The following NLGN1 variants were observed in gnomAD, a reference collection of about 807,000 sequenced individuals.
The protein encoded by NLGN1 is neuroligin-1.
Under a neutral mutation model 65.5 loss-of-function variants are expected in NLGN1, and 12 were observed. The ratio of observed to expected loss-of-function variants is 0.18; its 90% CI spans 0.12 to 0.30. NLGN1 has a LOEUF of 0.30. NLGN1 is among the 10% of genes least tolerant of loss of function. NLGN1 has a pLI of 1.00. For missense variants in NLGN1, 750 were observed against 1,007.1 expected, an observed-to-expected ratio of 0.74 and a Z score of 3.46; for synonymous variants, 350 against 359.5, an observed-to-expected ratio of 0.97 and a Z score of 0.30.
intron 4 of NLGN1, among the ~76,000 whole-genome samples, chr3:174,157,012 T>C (rs749888247): frequency 1.3e-5 from 2 of 149,188 alleles, no homozygotes; most frequent in African/African-American, 2.5e-5. Context: ...AATATAAATG[T>C]AGAAAAAAAT....
At chr3:173,794,493 G>A (rs977891342) in intron 3 of NLGN1, among the ~76,000 whole-genome samples, 1 of 152,120 alleles carries the variant, frequency 6.6e-6, no homozygotes, top group African/African-American at 2.4e-5. Flanking sequence ...TGGCACTTGT[G>A]TTCTCACCAG....
Position 173,842,593 on chromosome 3 carries a change from T to C in NLGN1, c.646+34761T>C, listed in dbSNP as rs924444566. Among the ~76,000 whole-genome samples, 5 of 152,152 alleles carry C rather than the reference T, an allele frequency of 3.3e-5. No homozygotes were observed. In the East Asian group the frequency reaches 9.6e-4, roughly 29 times the overall value. On this transcript the variant is annotated intron_variant, in intron 4 of 6. Coordinates refer to ENST00000457714, the Ensembl canonical transcript of NLGN1. ...AAAGGAACTACAGGCTTCATGCAAG[T>C]CTGAAATCCAACATGGCAGACAAAT...
At chr3:173,500,717 C>T (rs1023187413) in intron 2 of NLGN1, among the ~76,000 whole-genome samples, 1 of 151,818 alleles carries the variant, frequency 6.6e-6, no homozygotes, top group African/African-American at 2.4e-5. Context: ...TTAATTATTG[C>T]ATCAATTTCA....
intron 4 of NLGN1, among the ~76,000 whole-genome samples, chr3:173,882,347 G>A (rs78794688): frequency 0.015 from 2,356 of 152,236 alleles, 62 homozygotes; most frequent in African/African-American, 0.051. Context: ...GAGTCAGCCT[G>A]TTCTTTGAAG....
At chr3:173,623,998 C>G (rs1011822251) in intron 3 of NLGN1, among the ~76,000 whole-genome samples, 2 of 152,042 alleles carry the variant, frequency 1.3e-5, no homozygotes, top group African/African-American at 4.8e-5. Flanking sequence ...AATAGGAATC[C>G]TGGAAGAACA....
chr3:173,492,824 A>G lies in NLGN1; in HGVS notation c.-321+57746A>G, dbSNP rs1487886479. 3.3e-5 allele frequency among the ~76,000 whole-genome samples: 5 copies of G among 151,808 alleles called. No homozygotes were observed. The East Asian group carries it at 9.6e-4, about 29-fold the overall frequency. ...TTGCACTGAATTATTAAAGCAGATG[A>G]TAGTGTGAATAAATCATGCTAGAGA... On this transcript the variant is annotated intron_variant, in intron 2 of 6. Transcript: ENST00000457714.
At chr3:174,015,600 G>A (rs893234654) in intron 4 of NLGN1, among the ~76,000 whole-genome samples, 6 of 152,104 alleles carry the variant, frequency 3.9e-5, no homozygotes, top group African/African-American at 1.4e-4. Flanking sequence ...ATTGCACTGT[G>A]TATAAAAATA....
At chr3:173,660,109 A>C (rs1259320156) in intron 3 of NLGN1, among the ~76,000 whole-genome samples, 1 of 15,028 alleles carries the variant, frequency 6.7e-5, no homozygotes, top group Admixed American at 7.2e-4. Context: ...TATTCTTGCT[A>C]TTCGTAGAGA....
chr3:173,682,082 AT>A (rs1455436650), intron 3 of NLGN1, among the ~76,000 whole-genome samples: 1 of 152,078 alleles, frequency 6.6e-6, no homozygotes, highest in African/African-American at 2.4e-5. Context: ...TCTGTGGGTA[AT>A]TTGTCTTTAC....
intron 3 of NLGN1, among the ~76,000 whole-genome samples, chr3:173,651,750 G>A (rs1759215161): frequency 6.6e-6 from 1 of 151,876 alleles, no homozygotes; most frequent in African/African-American, 2.4e-5. Flanking sequence ...TTGACCATTT[G>A]TATGTCTTCT....
chr3:174,039,839 G>T lies in NLGN1; in HGVS notation c.646+232007G>T, dbSNP rs548710826. 3.3e-5 allele frequency among the ~76,000 whole-genome samples: 5 copies of T among 152,240 alleles called. No individual in the cohort carries two copies. In the East Asian group the frequency reaches 7.8e-4, roughly 24 times the overall value. ...TGCTTAGGAAGATAAGAAACGCTGA[G>T]AGGTAACAATTTTCTGCCTAAGAAT... On this transcript the variant is annotated intron_variant, in intron 4 of 6. Coordinates refer to ENST00000457714, the Ensembl canonical transcript of NLGN1.
At chr3:174,168,390 T>C (rs1311409290) in intron 4 of NLGN1, among the ~76,000 whole-genome samples, 2 of 152,188 alleles carry the variant, frequency 1.3e-5, no homozygotes, top group African/African-American at 4.8e-5. Context: ...TTTCTTCTTC[T>C]TCTATAATAT....
chr3:173,751,098 C>T (rs896331975), intron 3 of NLGN1, among the ~76,000 whole-genome samples: 2 of 152,030 alleles, frequency 1.3e-5, no homozygotes, highest in Admixed American at 6.6e-5. Flanking sequence ...CTGTGGATTC[C>T]AGTCACAAAC....
At chr3:174,066,987 A>G (rs1053452580) in intron 4 of NLGN1, among the ~76,000 whole-genome samples, 1 of 152,192 alleles carries the variant, frequency 6.6e-6, no homozygotes, top group Non-Finnish European at 1.5e-5. Context: ...CTTACTTGAC[A>G]TACTTAATTT....
At chr3:174,267,641 T>G (rs747464623) in intron 4 of NLGN1, among the ~76,000 whole-genome samples, 2 of 152,130 alleles carry the variant, frequency 1.3e-5, no homozygotes, top group Non-Finnish European at 2.9e-5. Context: ...TCTTCAAAAC[T>G]AATGCTACCC....
At chr3:174,048,739 T>C (rs1734173217) in intron 4 of NLGN1, among the ~76,000 whole-genome samples, 1 of 151,996 alleles carries the variant, frequency 6.6e-6, no homozygotes, top group African/African-American at 2.4e-5. Flanking sequence ...TAAATGATAA[T>C]TGTATGAATT....
intron 4 of NLGN1, among the ~76,000 whole-genome samples, chr3:174,105,397 G>A (rs1184599743): frequency 1.3e-5 from 2 of 151,930 alleles, no homozygotes; most frequent in Admixed American, 6.6e-5. Flanking sequence ...AATTAGCCAG[G>A]CATGGTGGCA....
At chr3:174,083,055 A>G (rs1580201629) in intron 4 of NLGN1, among the ~76,000 whole-genome samples, 1 of 152,136 alleles carries the variant, frequency 6.6e-6, no homozygotes, top group East Asian at 1.9e-4. Context: ...TTTATTCTCT[A>G]TCATTTTATT....
chr3:174,121,952 G>C (rs1234635068), intron 4 of NLGN1, among the ~76,000 whole-genome samples: 1 of 152,100 alleles, frequency 6.6e-6, no homozygotes, highest in Non-Finnish European at 1.5e-5. Flanking sequence ...AAATCAAGCA[G>C]ACTTTTCTGC....
Sources: allele counts gnomAD v4.1 joint callset (sites outside exome capture counted in the v4.1 genomes callset), GRCh38; gene constraint gnomAD v4.1.1; transcripts MANE v1.5; gene names NCBI Gene and HGNC (gene_info 2026-07-23, HGNC 2026-07-21).